Variants in RPN1 observed in about 807,000 individuals in gnomAD.
RPN1 encodes the protein ribophorin I.
In RPN1, 12 loss-of-function variants were observed where a neutral mutation model predicts 55.5. The observed-to-expected ratio is 0.22, with a 90% CI of 0.14 to 0.35. The LOEUF is 0.35. Among genes scored for constraint, RPN1 ranks in the 10% least tolerant of loss-of-function variants. RPN1 has a pLI of 1.00. For synonymous variants in RPN1, 317 were observed against 305.9 expected, an observed-to-expected ratio of 1.04 and a Z score of -0.38; for missense variants, 679 against 761.3, an observed-to-expected ratio of 0.89 and a Z score of 1.27.
intron 4 of RPN1, 73 bp from the exon 5 acceptor site, chr3:128,630,216 A>G: frequency 1.0e-6 from 1 of 962,594 alleles, no homozygotes; most frequent in Non-Finnish European, 1.6e-6. Context: ...AACACAGAAG[A>G]CTTCCTGCAC....
chr3:128,620,033 C>A lies in RPN1; in HGVS notation c.*378G>T, dbSNP rs79292270. ...CACGCTTTAAAAAAAAAAAAAAAAACACATGCACTCACACAATACCCAAAC... is the reference window on the plus strand; with the variant it reads ...CACGCTTTAAAAAAAAAAAAAAAAAAACATGCACTCACACAATACCCAAAC... On this transcript the variant is annotated 3_prime_UTR_variant, in exon 10 of 10. Coordinates refer to ENST00000296255, the MANE Select transcript of RPN1 (RefSeq NM_002950.4). 4.6e-3 allele frequency: 718 copies of A among 156,450 alleles called. 8 individuals carry two copies. The highest frequency in any genetic ancestry group is 0.019 in the African/African-American group (596 of 31,038). The allele number at this position is 156,450 out of a possible 1,614,324, so 9.7% of individuals were successfully genotyped here. A position where few individuals can be genotyped will look rare whatever the true frequency, so the allele number is the denominator to read the frequency against.
At chr3:128,648,991 T>C (rs993547598) in intron 1 of RPN1, among the ~76,000 whole-genome samples, 1 of 152,172 alleles carries the variant, frequency 6.6e-6, no homozygotes, top group Admixed American at 6.6e-5. Context: ...ATGGTTGCTA[T>C]GAGGGCTAAA....
At chr3:128,641,041 A>C (rs1000413325) in intron 2 of RPN1, 2 of 152,188 alleles carry the variant, frequency 1.3e-5, no homozygotes, top group African/African-American at 4.8e-5. Context: ...AAGGTTTTTC[A>C]ATCAATAAAA....
rs1393402364 is a variant in RPN1, at chr3:128,624,445, A to G, written c.1395+1089T>C. ...CAGCAAGCTGAGAGCGCACCACTGCACTCCAGCCTGGGCAACAGAGCAAGA... is the reference window on the plus strand; with the variant it reads ...CAGCAAGCTGAGAGCGCACCACTGCGCTCCAGCCTGGGCAACAGAGCAAGA... On this transcript the variant is annotated intron_variant, in intron 8 of 9. Coordinates refer to ENST00000296255, the MANE Select transcript of RPN1 (RefSeq NM_002950.4). Among the ~76,000 whole-genome samples, 5 of 151,420 alleles carry G rather than the reference A, an allele frequency of 3.3e-5. No homozygotes were observed. In the East Asian group the frequency reaches 7.7e-4, roughly 23 times the overall value.
chr3:128,627,862 C>T (rs72987300), intron 5 of RPN1, among the ~76,000 whole-genome samples: 9 of 135,588 alleles, frequency 6.6e-5, no homozygotes, highest in Admixed American at 3.0e-4. Context: ...GCCAGCAAGA[C>T]GCCCATAAAA....
At position 128,632,109 on chromosome 3, in the gene RPN1, T is replaced by C. The variant is rs1306255470; in HGVS notation, c.682A>G (p.Thr228Ala). Residue 228 changes from threonine (T) to alanine (A), a missense_variant, in exon 4 of 10, where the codon ACC becomes GCC. Thr to Ala is a moderately conservative substitution (Grantham distance 58). Coordinates refer to ENST00000296255, the MANE Select transcript of RPN1 (RefSeq NM_002950.4). Reference protein sequence around the residue: ...YENNSPFLTITSMTRVIEVSH... With the variant: ...YENNSPFLTIASMTRVIEVSH... ...ACTTCAATGACTCGGGTCATGCTGG[T>C]GATGGTCAGGAAAGGGCTGTTGTTC... 7 of 1,614,044 alleles carry C rather than the reference T, an allele frequency of 4.3e-6. No homozygotes were observed. In the South Asian group the frequency reaches 7.7e-5, roughly 18 times the overall value.
At chr3:128,649,180 T>G (rs536948722) in intron 1 of RPN1, among the ~76,000 whole-genome samples, 1 of 152,326 alleles carries the variant, frequency 6.6e-6, no homozygotes, top group East Asian at 1.9e-4. Context: ...ATTTTGAATA[T>G]ACTAATAATA....
rs182620544 is a variant in RPN1, at chr3:128,640,171, C to T, written c.327-2066G>A. Among the ~76,000 whole-genome samples the T allele has an allele frequency of 2.2e-3, 331 of 150,876 alleles. 3 individuals carry two copies. Among genetic ancestry groups the T allele is most frequent in the African/African-American group, 7.1e-3 (290 of 41,114 alleles). ...TGGGTGACGGAGCGAGAATCCATCT[C>T]AAAAAAGGAAAAAAAAGAAAAACAG... On this transcript the variant is annotated intron_variant, in intron 2 of 9. Coordinates refer to ENST00000296255, the MANE Select transcript of RPN1 (RefSeq NM_002950.4).
Position 128,625,900 on chromosome 3 carries a change from C to G in RPN1, c.1249G>C (p.Val417Leu), listed in dbSNP as rs1482381551. Reference sequence around the variant, plus strand: ...ACAATGTCCTGAATGTGCTGTTCTACCAGATTTTTCTTGTAGGCAACAATC... The same window carrying G: ...ACAATGTCCTGAATGTGCTGTTCTAGCAGATTTTTCTTGTAGGCAACAATC... ...PVIVAYKKNLVEQHIQDIVVH... is the reference protein window; with the variant it reads ...PVIVAYKKNLLEQHIQDIVVH... The change falls in exon 7 of 10, where the codon GTA (valine) becomes CTA (leucine). Residue 417 changes from valine to leucine, a missense_variant. By Grantham distance (32) the Val-to-Leu change is conservative (BLOSUM62 1). This residue lies in a region of RPN1 where 306 missense variants were observed against 360.0 expected (regional missense o/e 0.85). Transcript: ENST00000296255. The G allele has an allele frequency of 1.2e-6, 2 of 1,613,334 alleles. No homozygotes were observed. Among genetic ancestry groups the G allele is most frequent in the South Asian group, 1.1e-5 (1 of 90,982 alleles).
At chr3:128,637,714 A>G (rs1273228432) in intron 3 of RPN1, 85 bp downstream of exon 3, 1 of 1,411,566 alleles carries the variant, frequency 7.1e-7, no homozygotes, top group Non-Finnish European at 9.8e-7. Flanking sequence ...TCCACCCCAC[A>G]CCACCCAAGC....
intron 9 of RPN1, among the ~76,000 whole-genome samples, chr3:128,621,443 G>C (rs1324019174): frequency 1.3e-5 from 2 of 152,196 alleles, no homozygotes; most frequent in Non-Finnish European, 2.9e-5. Context: ...GCAGTGAGCA[G>C]AGATTGCGCC....
chr3:128,635,287 G>C (rs894003033), intron 3 of RPN1, among the ~76,000 whole-genome samples: 2 of 152,060 alleles, frequency 1.3e-5, no homozygotes, highest in Admixed American at 1.3e-4. Flanking sequence ...GGGAGAATTG[G>C]AAGCAAGAAT....
intron 8 of RPN1, among the ~76,000 whole-genome samples, chr3:128,623,705 T>C (rs997429114): frequency 6.6e-6 from 1 of 151,994 alleles, no homozygotes; most frequent in Non-Finnish European, 1.5e-5. Flanking sequence ...TGGATGTTGG[T>C]CAACAGTACT....
chr3:128,626,954 A>C, intron 5 of RPN1, 122 bp from the exon 6 acceptor site: 1 of 789,126 alleles, frequency 1.3e-6, no homozygotes, highest in Non-Finnish European at 2.1e-6. Flanking sequence ...AAACCCACGG[A>C]CCATGTTTAC....
intron 9 of RPN1, among the ~76,000 whole-genome samples, chr3:128,621,221 G>A (rs947337800): frequency 6.6e-6 from 1 of 152,194 alleles, no homozygotes; most frequent in African/African-American, 2.4e-5. Flanking sequence ...TCAGAAAGTG[G>A]TAGGCGTGGG....
At chr3:128,627,216 T>C (rs1332640270) in intron 5 of RPN1, 1 of 243,430 alleles carries the variant, frequency 4.1e-6, no homozygotes, top group East Asian at 8.8e-5. Flanking sequence ...CCCTGCCTAA[T>C]GGTGAGTGAA....
intron 8 of RPN1, among the ~76,000 whole-genome samples, chr3:128,624,526 T>C (rs1256232286): frequency 6.7e-6 from 1 of 149,690 alleles, no homozygotes; most frequent in Non-Finnish European, 1.5e-5. Flanking sequence ...TGCATATAAG[T>C]GGACCCACAC....
rs148541211 is a variant in RPN1, at chr3:128,638,394, G to T, written c.327-289C>A. On this transcript the variant is annotated intron_variant, in intron 2 of 9. Transcript: ENST00000296255. ...GAATGTTTTTAACTTTTGTTCCATT[G>T]TTGAACATTTACACTGTTTTACACT... Among the ~76,000 whole-genome samples, 710 of 152,228 alleles carry T rather than the reference G, an allele frequency of 4.7e-3. 11 individuals carry two copies. The highest frequency in any genetic ancestry group is 0.016 in the African/African-American group (678 of 41,542).
Position 128,650,562 on chromosome 3 carries a change from C to G in RPN1, c.239G>C (p.Arg80Pro). The G allele has an allele frequency of 6.5e-7, 1 of 1,543,502 alleles. No homozygotes were observed. The highest frequency in any genetic ancestry group is 8.7e-7 in the Non-Finnish European group (1 of 1,144,876). Residue 80 changes from arginine to proline, a missense_variant, in exon 1 of 10, where the codon CGG becomes CCG. This residue lies in a region of RPN1 where 352 missense variants were observed against 352.8 expected (regional missense o/e 1.00). Coordinates refer to ENST00000296255, the MANE Select transcript of RPN1 (RefSeq NM_002950.4). Reference protein sequence around the residue: ...LLALEPELEARLAHLGVQVKG... With the variant: ...LLALEPELEAPLAHLGVQVKG... ...CACCTGCACGCCCAGGTGCGCCAGC[C>G]GGGCCTCGAGCTCAGGCTCCAAAGC...
Sources: gnomAD v4.1 joint callset for allele counts (sites outside exome capture counted in the v4.1 genomes callset) on GRCh38, gnomAD v4.1.1 for gene constraint, gnomAD v4.1.1 regional missense constraint, MANE v1.5 for transcripts, NCBI Gene and HGNC (gene_info 2026-07-23, HGNC 2026-07-21) for gene names.